PRMT3: variants seen among roughly 807,000 people sequenced by gnomAD.
PRMT3 encodes the protein protein arginine methyltransferase 3, also known as protein arginine N-methyltransferase 3.
In PRMT3, 62 loss-of-function variants were observed where a neutral mutation model predicts 71.9. The ratio of observed to expected loss-of-function variants is 0.86; its 90% confidence interval spans 0.70 to 1.07. The LOEUF is 1.07. Ranked by LOEUF, PRMT3 falls within the 50% of genes least tolerant of loss-of-function variation. The probability of loss-of-function intolerance (pLI) is 0.00; values close to 1 mark genes in which losing one functional copy is unlikely to be tolerated. For missense variants in PRMT3, 663 were observed against 643.0 expected (o/e 1.03, Z -0.34); for synonymous variants, 213 against 220.4 (o/e 0.97, Z 0.30).
intron 13 of PRMT3, among the ~76,000 whole-genome samples, chr11:20,490,311 T>C (rs1851177280): frequency 6.6e-6 from 1 of 152,168 alleles, no homozygotes; most frequent in South Asian, 2.1e-4. Context: ...TTTCAGATAT[T>C]TGTCATAGAT....
chr11:20,487,432 T>C (rs566184516), intron 13 of PRMT3, among the ~76,000 whole-genome samples: 2 of 152,200 alleles, frequency 1.3e-5, no homozygotes, highest in Non-Finnish European at 2.9e-5. Context: ...TTGAGGAAAT[T>C]AGCCAGACAC....
intron 13 of PRMT3, among the ~76,000 whole-genome samples, chr11:20,486,406 G>T (rs1289970034): frequency 6.6e-6 from 1 of 152,110 alleles, no homozygotes; most frequent in Non-Finnish European, 1.5e-5. Flanking sequence ...CTCAAAGTTG[G>T]TGGAACTATG....
At chr11:20,483,192 T>A (rs973022937) in intron 13 of PRMT3, among the ~76,000 whole-genome samples, 21 of 152,166 alleles carry the variant, frequency 1.4e-4, no homozygotes, top group Non-Finnish European at 2.5e-4. Flanking sequence ...AAAAATTAGT[T>A]TTAATATTTT....
chr11:20,396,912 G>A (rs114200877), intron 6 of PRMT3, among the ~76,000 whole-genome samples: 2,575 of 152,274 alleles, frequency 0.017, 89 homozygotes, highest in African/African-American at 0.059. Context: ...TGTTGCCTGA[G>A]TACCCATCTG....
chr11:20,397,245 A>C (rs913824927), intron 6 of PRMT3, among the ~76,000 whole-genome samples: 1 of 152,234 alleles, frequency 6.6e-6, no homozygotes, highest in Non-Finnish European at 1.5e-5. Context: ...AACGACATTG[A>C]TTCATTTGCT....
chr11:20,462,107 A>G lies in PRMT3; in HGVS notation c.1200A>G (p.Pro400=), dbSNP rs759669244. 6.2e-7 allele frequency: 1 copy of G among 1,613,118 alleles called. No homozygotes were observed. Among genetic ancestry groups the G allele is most frequent in the Admixed American group, 1.7e-5 (1 of 60,018 alleles). Residue 400 remains proline (P), a synonymous_variant, in exon 12 of 16, where the codon CCA becomes CCG. Coordinates refer to ENST00000331079, the MANE Select transcript of PRMT3 (RefSeq NM_005788.4). ...CCTGCATGAAGAAAGCAGTTATTCC[A>G]GAAGCTGTTGTGGAAGTTTTAGATC... ...KMSCMKKAVI[P]EAVVEVLDPK...
At chr11:20,393,232 G>A (rs1848755391) in intron 5 of PRMT3, among the ~76,000 whole-genome samples, 1 of 152,158 alleles carries the variant, frequency 6.6e-6, no homozygotes, top group Non-Finnish European at 1.5e-5. Flanking sequence ...CAGATCACGA[G>A]GTCAGGAGAT....
Position 20,508,671 on chromosome 11 carries a change from A to C in PRMT3, c.*258A>C, listed in dbSNP as rs1181444285. 6.9e-6 allele frequency: 4 copies of C among 579,376 alleles called. No homozygotes were observed. The Admixed American group carries it at 8.6e-5, about 13-fold the overall frequency. The allele number at this position is 579,376 out of a possible 1,614,324, so 35.9% of individuals were successfully genotyped here. On this transcript the variant is annotated 3_prime_UTR_variant, in exon 16 of 16. Transcript: ENST00000331079. Reference sequence around the variant, plus strand: ...CCAGATTTAACCAAATGTAACTCCCACATTGAGTTTATCTATATTGAAAAT... The same window carrying C: ...CCAGATTTAACCAAATGTAACTCCCCCATTGAGTTTATCTATATTGAAAAT...
chr11:20,399,422 CATT>C (rs1468932056), intron 7 of PRMT3, among the ~76,000 whole-genome samples: 3 of 152,074 alleles, frequency 2.0e-5, no homozygotes, highest in Non-Finnish European at 4.4e-5. Context: ...AATGGCATAA[CATT>C]ATAAATAATA....
chr11:20,393,136 GA>G, intron 5 of PRMT3, 137 bp downstream of exon 5: 1 of 641,736 alleles, frequency 1.6e-6, no homozygotes, highest in Non-Finnish European at 2.7e-6. Flanking sequence ...AGTTTCAGTA[GA>G]AAAGTTAAGT....
chr11:20,470,983 A>G (rs1290701213), intron 13 of PRMT3, among the ~76,000 whole-genome samples: 1 of 152,084 alleles, frequency 6.6e-6, no homozygotes, highest in Non-Finnish European at 1.5e-5. Context: ...TTCTCTAATG[A>G]TCAGTAATGT....
intron 10 of PRMT3, among the ~76,000 whole-genome samples, chr11:20,434,861 T>A (rs1041744649): frequency 1.3e-5 from 2 of 152,190 alleles, no homozygotes; most frequent in Non-Finnish European, 2.9e-5. Flanking sequence ...CCTTGGTTAT[T>A]TGGACTGTTT....
chr11:20,394,358 T>A (rs1394417015), intron 5 of PRMT3, among the ~76,000 whole-genome samples: 1 of 152,154 alleles, frequency 6.6e-6, no homozygotes, highest in Non-Finnish European at 1.5e-5. Context: ...CAATAAGACT[T>A]TAGTGTATAG....
chr11:20,478,416 C>T (rs1393602207), intron 13 of PRMT3, among the ~76,000 whole-genome samples: 2 of 151,394 alleles, frequency 1.3e-5, no homozygotes, highest in African/African-American at 2.4e-5. Flanking sequence ...TTCATGTTAC[C>T]TTTCAGTTCT....
chr11:20,484,232 A>T (rs901184309), intron 13 of PRMT3, among the ~76,000 whole-genome samples: 1 of 152,200 alleles, frequency 6.6e-6, no homozygotes, highest in African/African-American at 2.4e-5. Context: ...GTGAACAAAG[A>T]CATTGAACAA....
chr11:20,434,076 G>A (rs1359072766), intron 10 of PRMT3, among the ~76,000 whole-genome samples: 1 of 152,118 alleles, frequency 6.6e-6, no homozygotes, highest in South Asian at 2.1e-4. Flanking sequence ...ATTCTGACTG[G>A]TGTGAGATGG....
At chr11:20,425,764 A>T (rs1295228229) in intron 9 of PRMT3, among the ~76,000 whole-genome samples, 1 of 152,168 alleles carries the variant, frequency 6.6e-6, no homozygotes, top group Non-Finnish European at 1.5e-5. Context: ...ATTTTCTGGG[A>T]TGGGCACTAA....
At chr11:20,462,206 G>T in intron 12 of PRMT3, 39 bp downstream of exon 12, 1 of 1,446,178 alleles carries the variant, frequency 6.9e-7, no homozygotes, top group Non-Finnish European at 9.4e-7. Context: ...TAATGGTATT[G>T]CTATTTTTCT....
chr11:20,450,177 A>G (rs1396195150), intron 10 of PRMT3, among the ~76,000 whole-genome samples: 2 of 152,124 alleles, frequency 1.3e-5, no homozygotes, highest in African/African-American at 2.4e-5. Flanking sequence ...TGTAGTGAAT[A>G]CTTAATTTGT....
Sources: gnomAD v4.1 joint callset for allele counts (sites outside exome capture counted in the v4.1 genomes callset) on GRCh38, gnomAD v4.1.1 for gene constraint, MANE v1.5 for transcripts, NCBI Gene and HGNC (gene_info 2026-07-23, HGNC 2026-07-21) for gene names.